LINGO2: variants seen among roughly 807,000 people sequenced by gnomAD.
LINGO2 encodes leucine-rich repeat and immunoglobulin-like domain-containing nogo receptor-interacting protein 2.
In LINGO2, 14 loss-of-function variants were observed where a neutral mutation model predicts 30.6. That is an observed-to-expected ratio of 0.46 (90% confidence interval 0.30 to 0.72). The LOEUF is 0.72. Among genes scored for constraint, LINGO2 ranks in the 30% least tolerant of loss-of-function variants. The pLI, the probability that LINGO2 is intolerant of heterozygous loss-of-function variation, is 0.07. For synonymous variants in LINGO2, 317 were observed against 288.5 expected (o/e 1.10, Z -1.00); for missense variants, 729 against 751.7 (o/e 0.97, Z 0.35).
intron 1 of LINGO2, among the ~76,000 whole-genome samples, chr9:28,499,607 C>T (rs62557823): frequency 0.036 from 5,432 of 152,238 alleles, 151 homozygotes; most frequent in Non-Finnish European, 0.05. Context: ...TTTTACTAAT[C>T]CTAGTTTTCT....
chr9:28,019,700 C>T (rs1823019734), intron 4 of LINGO2, among the ~76,000 whole-genome samples: 2 of 151,938 alleles, frequency 1.3e-5, no homozygotes, highest in South Asian at 4.2e-4. Flanking sequence ...CTCTACCATT[C>T]TATTTTTTCA....
chr9:28,812,105 C>G, the LINGO2 span, among the ~76,000 whole-genome samples: 5 of 151,754 alleles, frequency 3.3e-5, no homozygotes, highest in African/African-American at 9.7e-5. Context: ...ACTCTTCCTA[C>G]CATCAATTAG....
chr9:28,474,072 C>T (rs1825632748), intron 2 of LINGO2, among the ~76,000 whole-genome samples: 2 of 152,034 alleles, frequency 1.3e-5, no homozygotes, highest in African/African-American at 4.8e-5. Context: ...TAAAATAGCA[C>T]ATGTAAATAT....
intron 4 of LINGO2, among the ~76,000 whole-genome samples, chr9:28,240,121 A>G (rs1821728360): frequency 6.6e-6 from 1 of 152,196 alleles, no homozygotes. Flanking sequence ...GATGAAAGAA[A>G]TTGAAGAGGG....
intron 1 of LINGO2, among the ~76,000 whole-genome samples, chr9:28,557,188 T>C (rs1361599636): frequency 2.0e-5 from 3 of 151,892 alleles, no homozygotes; most frequent in African/African-American, 4.8e-5. Context: ...GCAAAAGAAA[T>C]TACCATCAGA....
chr9:28,977,359 G>A, the LINGO2 span, among the ~76,000 whole-genome samples: 1 of 152,040 alleles, frequency 6.6e-6, no homozygotes, highest in African/African-American at 2.4e-5. Flanking sequence ...GTAGGCTTCA[G>A]AAGTTATTGC....
chr9:29,145,041 G>A, the LINGO2 span, among the ~76,000 whole-genome samples: 1 of 152,082 alleles, frequency 6.6e-6, no homozygotes, highest in Non-Finnish European at 1.5e-5. Flanking sequence ...TTTCTTTGAG[G>A]TTTTTGGTTC....
chr9:28,699,858 G>C, the LINGO2 span, among the ~76,000 whole-genome samples: 5 of 151,888 alleles, frequency 3.3e-5, no homozygotes, highest in Non-Finnish European at 7.4e-5. Context: ...GGCTTACTAG[G>C]ACTGGGAAAC....
chr9:28,282,629 C>T (rs1221839765), intron 4 of LINGO2, among the ~76,000 whole-genome samples: 1 of 152,034 alleles, frequency 6.6e-6, no homozygotes, highest in Non-Finnish European at 1.5e-5. Flanking sequence ...AATAACTGTG[C>T]TCTTTTGGCT....
chr9:28,413,440 C>G (rs1465473065), intron 2 of LINGO2, among the ~76,000 whole-genome samples: 3 of 152,008 alleles, frequency 2.0e-5, no homozygotes. Context: ...CACATGCAAA[C>G]GTAATTAAAG....
chr9:28,942,887 C>T, the LINGO2 span, among the ~76,000 whole-genome samples: 1 of 151,980 alleles, frequency 6.6e-6, no homozygotes, highest in Non-Finnish European at 1.5e-5. Flanking sequence ...GAGTTGGTGA[C>T]TAAAATGTGA....
At chr9:28,440,131 T>C (rs962864647) in intron 2 of LINGO2, among the ~76,000 whole-genome samples, 11 of 152,230 alleles carry the variant, frequency 7.2e-5, no homozygotes, top group African/African-American at 2.2e-4. Context: ...CAGTGACATT[T>C]TGTTTTCCTC....
chr9:28,011,435 A>G (rs920291882), intron 5 of LINGO2, among the ~76,000 whole-genome samples: 1 of 152,172 alleles, frequency 6.6e-6, no homozygotes, highest in Non-Finnish European at 1.5e-5. Flanking sequence ...AGAATGCCTG[A>G]CTTAGGAACA....
chr9:28,917,739 T>C, the LINGO2 span, among the ~76,000 whole-genome samples: 91 of 152,084 alleles, frequency 6.0e-4, no homozygotes, highest in Non-Finnish European at 1.0e-3. Flanking sequence ...CATTAGGTCA[T>C]AGAGTTGAGT....
chr9:28,906,480 T>C, the LINGO2 span, among the ~76,000 whole-genome samples: 1 of 151,838 alleles, frequency 6.6e-6, no homozygotes, highest in Non-Finnish European at 1.5e-5. Flanking sequence ...TTAAAGTAGA[T>C]ACAGCAGATA....
At chr9:29,075,355 AT>A in the LINGO2 span, among the ~76,000 whole-genome samples, 1 of 152,158 alleles carries the variant, frequency 6.6e-6, no homozygotes, top group African/African-American at 2.4e-5. Context: ...TTCTCTTTTC[AT>A]TCTTTCATGA....
At chr9:28,136,437 G>A (rs975758930) in intron 4 of LINGO2, among the ~76,000 whole-genome samples, 1 of 152,206 alleles carries the variant, frequency 6.6e-6, no homozygotes, top group Admixed American at 6.5e-5. Context: ...GATGAAGCTT[G>A]ACTGAGAATC....
chr9:28,142,012 G>T (rs1045373759), intron 4 of LINGO2, among the ~76,000 whole-genome samples: 1 of 152,138 alleles, frequency 6.6e-6, no homozygotes, highest in East Asian at 1.9e-4. Flanking sequence ...ACTTCAGCAC[G>T]TTTTCTGGTT....
the LINGO2 span, among the ~76,000 whole-genome samples, chr9:28,751,146 G>A: frequency 6.6e-6 from 1 of 151,538 alleles, no homozygotes; most frequent in Admixed American, 6.6e-5. Flanking sequence ...AGCTGGATAT[G>A]GTAGCATGGT....
Sources: gnomAD v4.1 joint callset for allele counts (sites outside exome capture counted in the v4.1 genomes callset) on GRCh38, gnomAD v4.1.1 for gene constraint, MANE v1.5 for transcripts, NCBI Gene and HGNC (gene_info 2026-07-23, HGNC 2026-07-21) for gene names.